Variants in ANKFY1 observed in about 807,000 individuals in gnomAD.
The protein encoded by ANKFY1 is ankyrin repeat and FYVE domain containing 1.
Under a neutral mutation model 128.3 loss-of-function variants are expected in ANKFY1, and 47 were observed. That is an observed-to-expected ratio of 0.37 (90% CI 0.29 to 0.47). ANKFY1 has a LOEUF of 0.47. ANKFY1 is among the 20% of genes least tolerant of loss of function. ANKFY1 has a pLI of 1.00. For missense variants in ANKFY1, 1,222 were observed against 1,510.6 expected, an observed-to-expected ratio of 0.81 and a Z score of 3.17; for synonymous variants, 553 against 601.6, an observed-to-expected ratio of 0.92 and a Z score of 1.18.
intron 3 of ANKFY1, among the ~76,000 whole-genome samples, chr17:4,219,712 T>TA (rs202092603): frequency 3.9e-4 from 56 of 143,592 alleles, no homozygotes; most frequent in Admixed American, 7.6e-4. Flanking sequence ...ATATTAAAAG[T>TA]AAAAAAAAAA....
At chr17:4,247,939 C>A (rs1442996388) in intron 1 of ANKFY1, among the ~76,000 whole-genome samples, 3 of 152,180 alleles carry the variant, frequency 2.0e-5, no homozygotes, top group African/African-American at 7.2e-5. Context: ...TATTACAATT[C>A]TTAGAAAGGC....
chr17:4,224,443 A>C (rs1351216249), intron 3 of ANKFY1, among the ~76,000 whole-genome samples: 1 of 151,762 alleles, frequency 6.6e-6, no homozygotes, highest in Admixed American at 6.6e-5. Flanking sequence ...AGGATGGTGA[A>C]GTTTTTTTAA....
intron 19 of ANKFY1, among the ~76,000 whole-genome samples, chr17:4,174,914 A>G (rs1451162588): frequency 6.6e-6 from 1 of 151,850 alleles, no homozygotes; most frequent in Non-Finnish European, 1.5e-5. Flanking sequence ...AATTCTGTAG[A>G]GACAACGTCT....
At chr17:4,170,903 C>T in intron 22 of ANKFY1, 42 bp from the exon 23 acceptor site, 1 of 1,612,506 alleles carries the variant, frequency 6.2e-7, no homozygotes, top group Non-Finnish European at 8.5e-7. Context: ...CCCACCCGGC[C>T]CAGCCCGGCA....
chr17:4,227,546 A>G (rs1369769653), intron 3 of ANKFY1, among the ~76,000 whole-genome samples: 2 of 152,222 alleles, frequency 1.3e-5, no homozygotes, highest in African/African-American at 4.8e-5. Context: ...AGAAAAACCT[A>G]CAACTAATCT....
rs1342569717 is a variant in ANKFY1 at position 4,177,132 on chromosome 17, G to T, written c.2769C>A (p.Arg923=). ...AVQAGSEIIV[R]NLLLAGAKVN... Reference sequence around the variant, plus strand: ...ATACTTCTGTGTCACTTACCAAATTGCGGACAATAATTTCTGAGCCTGCTT... The same window carrying T: ...ATACTTCTGTGTCACTTACCAAATTTCGGACAATAATTTCTGAGCCTGCTT... The change falls in exon 19 of 25, where the codon CGC becomes CGA. Residue 923 remains arginine, a synonymous_variant. Coordinates refer to ENST00000341657, the MANE Select transcript of ANKFY1 (RefSeq NM_001330063.2). The T allele has an allele frequency of 2.5e-6, 4 of 1,583,886 alleles. No individual in the cohort carries two copies. Among genetic ancestry groups the T allele is most frequent in the Non-Finnish European group, 3.4e-6 (4 of 1,165,456 alleles).
chr17:4,228,985 A>G (rs1252545345), intron 3 of ANKFY1, among the ~76,000 whole-genome samples: 2 of 152,202 alleles, frequency 1.3e-5, no homozygotes, highest in African/African-American at 4.8e-5. Context: ...TCAAAACACC[A>G]CCACCACATA....
At chr17:4,172,236 T>C (rs775049867) in intron 22 of ANKFY1, among the ~76,000 whole-genome samples, 2 of 152,182 alleles carry the variant, frequency 1.3e-5, no homozygotes, top group Non-Finnish European at 2.9e-5. Context: ...ATTTTCTTCC[T>C]CTGCTAGAAT....
chr17:4,263,468 A>ACCC, intron 1 of ANKFY1: 1 of 386,872 alleles, frequency 2.6e-6, no homozygotes, highest in Non-Finnish European at 4.5e-6. Context: ...CCTCGCCCCC[A>ACCC]CCCCACCCCA....
intron 3 of ANKFY1, among the ~76,000 whole-genome samples, chr17:4,221,473 A>C (rs1457447821): frequency 1.3e-5 from 2 of 152,122 alleles, no homozygotes; most frequent in Non-Finnish European, 2.9e-5. Context: ...TGGCCTCCCA[A>C]AGTGCTGGTA....
chr17:4,227,987 C>T (rs772871434), intron 3 of ANKFY1, among the ~76,000 whole-genome samples: 8 of 152,066 alleles, frequency 5.3e-5, no homozygotes, highest in Admixed American at 4.6e-4. Context: ...ACAGTCCCTC[C>T]TAGATATTTA....
At position 4,195,278 on chromosome 17, in the gene ANKFY1, A is replaced by ATT. The variant is rs5818941; in HGVS notation, c.1173-103_1173-102dup. The ATT allele has an allele frequency of 8.1e-3, 8,088 of 992,710 alleles. 4 individuals carry two copies. Among genetic ancestry groups the ATT allele is most frequent in the Non-Finnish European group, 0.01 (7,054 of 688,548 alleles). The allele number at this position is 992,710 out of a possible 1,614,324, so 61.5% of individuals were successfully genotyped here. On this transcript the variant is annotated intron_variant, in intron 9 of 24. Transcript: ENST00000341657. ...TCTCTTTACCCTTTTTCAATGACAC[A>ATT]TTTTTTTTTAGCTCACTTTAACTTC...
intron 3 of ANKFY1, among the ~76,000 whole-genome samples, chr17:4,234,813 A>T (rs1966863564): frequency 6.6e-6 from 1 of 152,132 alleles, no homozygotes; most frequent in South Asian, 2.1e-4. Context: ...CCGGCCTTAA[A>T]ATTCTTTTTT....
Position 4,195,553 on chromosome 17 carries a change from G to A in ANKFY1, c.1104-82C>T, listed in dbSNP as rs1266037460. On this transcript the variant is annotated intron_variant, in intron 8 of 24. Coordinates refer to ENST00000341657, the MANE Select transcript of ANKFY1 (RefSeq NM_001330063.2). ...ACGGCAAGACGCAACCAGAATCCCA[G>A]GCAGAATCACCACCCGCAAGAAATC... 2.8e-6 allele frequency: 3 copies of A among 1,062,506 alleles called. No individual in the cohort carries two copies. The African/African-American group carries it at 4.7e-5, about 17-fold the overall frequency. 65.8% of individuals were successfully genotyped at this position (1,062,506 alleles called of 1,614,324 possible).
At chr17:4,200,853 C>T (rs528630419) in intron 7 of ANKFY1, among the ~76,000 whole-genome samples, 124 of 152,236 alleles carry the variant, frequency 8.1e-4, no homozygotes, top group African/African-American at 2.8e-3. Flanking sequence ...TCATATCTTA[C>T]GATATCATTT....
chr17:4,220,727 G>A (rs1394832658), intron 3 of ANKFY1, among the ~76,000 whole-genome samples: 2 of 152,212 alleles, frequency 1.3e-5, no homozygotes, highest in Non-Finnish European at 2.9e-5. Flanking sequence ...GAAGCAGCCA[G>A]TGGTATAAGG....
intron 7 of ANKFY1, among the ~76,000 whole-genome samples, chr17:4,203,001 T>TATATATATATATATATATA (rs397944338): frequency 2.0e-5 from 3 of 149,904 alleles, no homozygotes; most frequent in African/African-American, 7.3e-5. Flanking sequence ...TATATATATA[T>TATATATATATATATATATA]TCACCCCACA....
At chr17:4,221,168 T>G in intron 3 of ANKFY1, among the ~76,000 whole-genome samples, 1 of 152,242 alleles carries the variant, frequency 6.6e-6, no homozygotes, top group Non-Finnish European at 1.5e-5. Flanking sequence ...AACTGATCTG[T>G]ATGCAATTAA....
At chr17:4,219,655 C>T (rs1438448163) in intron 3 of ANKFY1, among the ~76,000 whole-genome samples, 2 of 151,538 alleles carry the variant, frequency 1.3e-5, no homozygotes, top group African/African-American at 4.9e-5. Flanking sequence ...TTGAAGACCC[C>T]GACTTACCTG....
Sources: allele counts gnomAD v4.1 joint callset (sites outside exome capture counted in the v4.1 genomes callset), GRCh38; gene constraint gnomAD v4.1.1; transcripts MANE v1.5; gene names NCBI Gene and HGNC (gene_info 2026-07-23, HGNC 2026-07-21).